TG: variants seen among roughly 807,000 people sequenced by gnomAD.
TG encodes thyroid hormones.
In TG, 270 loss-of-function variants were observed where a neutral mutation model predicts 324.7. The ratio of observed to expected loss-of-function variants is 0.83; its 90% CI spans 0.75 to 0.92. The LOEUF (loss-of-function observed/expected upper bound fraction) is 0.92. Ranked by LOEUF, TG falls within the 40% of genes least tolerant of loss-of-function variation. The probability of loss-of-function intolerance (pLI) is 0.00; values close to 1 mark genes in which losing one functional copy is unlikely to be tolerated. For synonymous variants in TG, 1,401 were observed against 1,327.0 expected, an observed-to-expected ratio of 1.06 and a Z score of -1.21; for missense variants, 3,591 against 3,456.4, an observed-to-expected ratio of 1.04 and a Z score of -0.98.
intron 45 of TG, among the ~76,000 whole-genome samples, chr8:133,118,223 C>G (rs1189104780): frequency 6.6e-6 from 1 of 151,888 alleles, no homozygotes; most frequent in Admixed American, 6.6e-5. Context: ...CCCAATAATG[C>G]TCTCCAGGTG....
chr8:132,933,176 T>TG (rs1200121751), intron 23 of TG, among the ~76,000 whole-genome samples: 1 of 150,410 alleles, frequency 6.6e-6, no homozygotes, highest in South Asian at 2.1e-4. Flanking sequence ...GGGGTATATT[T>TG]GGGGGGTGTA....
chr8:132,944,521 G>A (rs571172878), intron 26 of TG, among the ~76,000 whole-genome samples: 20 of 152,348 alleles, frequency 1.3e-4, no homozygotes, highest in Admixed American at 2.0e-4. Flanking sequence ...GGACAGCCAT[G>A]CTCACTGTAG....
intron 34 of TG, among the ~76,000 whole-genome samples, chr8:132,981,041 A>G (rs1482124388): frequency 6.6e-6 from 1 of 152,206 alleles, no homozygotes; most frequent in Non-Finnish European, 1.5e-5. Context: ...AATAGATTCT[A>G]CGTAAATTGC....
rs145989237 is a variant in TG at position 133,070,212 on chromosome 8, C to T, written c.7240-24832C>T. Among the ~76,000 whole-genome samples the T allele has an allele frequency of 2.6e-5, 4 of 152,066 alleles. No homozygotes were observed. The East Asian group carries it at 7.7e-4, about 29-fold the overall frequency. On this transcript the variant is annotated intron_variant, in intron 41 of 47. Transcript: ENST00000220616. ...TCCCACCATGCTGACTTCCAGTTTC[C>T]AGTGTGACATCTCTGAGGACGGAGT...
intron 33 of TG, 24 bp from the exon 34 acceptor site, chr8:132,972,574 T>A (rs1829679868): frequency 6.9e-7 from 1 of 1,455,266 alleles, no homozygotes. Flanking sequence ...TTGTGGTTTT[T>A]TGTTTTTTTT....
chr8:133,029,921 C>T lies in TG; in HGVS notation c.7137C>T (p.Arg2379=), dbSNP rs748875849. ...GAGGATTTGGCGGGGACCCTCGGCGCGTGTCCCTGGCAGCAGACCGTGGCG... is the reference window on the plus strand; with the variant it reads ...GAGGATTTGGCGGGGACCCTCGGCGTGTGTCCCTGGCAGCAGACCGTGGCG... ...HIRGFGGDPR[R]VSLAADRGGA... The change falls in exon 41 of 48, where the codon CGC becomes CGT. Residue 2379 remains arginine (R), a synonymous_variant. Coordinates refer to ENST00000220616, the MANE Select transcript of TG (RefSeq NM_003235.5). 2.8e-5 allele frequency: 46 copies of T among 1,614,094 alleles called. No individual in the cohort carries two copies. The highest frequency in any genetic ancestry group is 6.7e-5 in the East Asian group (3 of 44,888).
At chr8:132,911,623 GC>G in intron 19 of TG, 90 bp downstream of exon 19, 1 of 1,078,226 alleles carries the variant, frequency 9.3e-7, no homozygotes, top group Non-Finnish European at 1.4e-6. Context: ...TGGTGAAGAA[GC>G]CCATGATGTC....
In TG at chr8:132,866,973, C is replaced by T. The variant is rs1838984614; in HGVS notation, c.-28C>T. The T allele has an allele frequency of 4.5e-6, 7 of 1,560,870 alleles. No individual in the cohort carries two copies. The highest frequency in any genetic ancestry group is 1.4e-5 in the African/African-American group (1 of 73,682). ...GACCTAGGGCAAGCAGTGGTTTCTCCTCCTTCCTCCCAGGAAGGGCCAGGA... is the reference window on the plus strand; with the variant it reads ...GACCTAGGGCAAGCAGTGGTTTCTCTTCCTTCCTCCCAGGAAGGGCCAGGA... On this transcript the variant is annotated 5_prime_UTR_variant, in exon 1 of 48. Transcript: ENST00000220616.
chr8:133,060,609 C>A (rs1210618211), intron 41 of TG, among the ~76,000 whole-genome samples: 1 of 152,192 alleles, frequency 6.6e-6, no homozygotes, highest in African/African-American at 2.4e-5. Context: ...AGTTGTGTGT[C>A]TGTACAACCA....
chr8:132,887,571 CTGT>C, intron 9 of TG, 23 bp downstream of exon 9: 1 of 1,614,162 alleles, frequency 6.2e-7, no homozygotes. Context: ...GGTATTCAAT[CTGT>C]AGGTTCCCTG....
chr8:132,884,388 C>G (rs1033681107), intron 8 of TG, among the ~76,000 whole-genome samples: 3 of 152,156 alleles, frequency 2.0e-5, no homozygotes, highest in African/African-American at 7.2e-5. Flanking sequence ...AGGAGCATTC[C>G]TAGGCTTCCA....
rs1426822600 is a variant in TG, at chr8:132,878,880, C to A, written c.639-2983C>A. On this transcript the variant is annotated intron_variant, in intron 5 of 47. Transcript: ENST00000220616. ...TTAGAATCCCACTCAAACTCACCTC[C>A]TTTGGGGACATTCTTTGGTCCAGCT... Among the ~76,000 whole-genome samples, 11 of 152,298 alleles carry A rather than the reference C, an allele frequency of 7.2e-5. No homozygotes were observed. In the East Asian group the frequency reaches 2.1e-3, roughly 29 times the overall value.
At chr8:133,024,848 G>GT (rs1460943384) in intron 40 of TG, among the ~76,000 whole-genome samples, 1 of 150,888 alleles carries the variant, frequency 6.6e-6, no homozygotes, top group Non-Finnish European at 1.5e-5. Context: ...CTTTGCTATT[G>GT]TAAATAGTGC....
intron 27 of TG, among the ~76,000 whole-genome samples, chr8:132,958,075 A>G (rs184335055): frequency 2.6e-5 from 4 of 152,294 alleles, no homozygotes; most frequent in African/African-American, 9.6e-5. Flanking sequence ...CACTTAGAAT[A>G]ATAGTCTCCA....
intron 32 of TG, among the ~76,000 whole-genome samples, chr8:132,970,790 T>C (rs1401578779): frequency 6.6e-6 from 1 of 152,122 alleles, no homozygotes; most frequent in Non-Finnish European, 1.5e-5. Flanking sequence ...GGAAAATCCA[T>C]GGTCCAGACT....
chr8:132,878,283 T>G (rs1814124937), intron 5 of TG, among the ~76,000 whole-genome samples: 1 of 152,124 alleles, frequency 6.6e-6, no homozygotes, highest in Non-Finnish European at 1.5e-5. Flanking sequence ...AATGTCCTGC[T>G]GCTGAAGGAC....
intron 31 of TG, 24 bp downstream of exon 31, chr8:132,967,994 T>G: frequency 6.2e-7 from 1 of 1,611,472 alleles, no homozygotes. Flanking sequence ...GAGATCTGCA[T>G]AAACTGTATT....
intron 41 of TG, among the ~76,000 whole-genome samples, chr8:133,052,156 GCAGCCT>G (rs1840524672): frequency 6.6e-6 from 1 of 152,188 alleles, no homozygotes; most frequent in Non-Finnish European, 1.5e-5. Flanking sequence ...CATATGTCTT[GCAGCCT>G]CCGAGTCATA....
At chr8:133,109,708 G>C (rs1850109353) in intron 43 of TG, among the ~76,000 whole-genome samples, 1 of 152,144 alleles carries the variant, frequency 6.6e-6, no homozygotes, top group Admixed American at 6.5e-5. Context: ...GGGTGCACCA[G>C]GGACCCAGCA....
Sources: gnomAD v4.1 joint callset for allele counts (sites outside exome capture counted in the v4.1 genomes callset) on GRCh38, gnomAD v4.1.1 for gene constraint, MANE v1.5 for transcripts, NCBI Gene and HGNC (gene_info 2026-07-23, HGNC 2026-07-21) for gene names.